MBNL1: variants seen among roughly 807,000 people sequenced by gnomAD.
The protein encoded by MBNL1 is muscleblind-like protein 1.
MBNL1 carries 8 observed loss-of-function variants against 42.2 expected under a neutral mutation model. That is an observed-to-expected ratio of 0.19 (90% CI 0.11 to 0.34). MBNL1 has a LOEUF of 0.34. MBNL1 is among the 10% of genes least tolerant of loss of function. The pLI, the probability that MBNL1 is intolerant of heterozygous loss-of-function variation, is 1.00. For missense variants in MBNL1, 309 were observed against 495.3 expected (o/e 0.62, Z 3.57); for synonymous variants, 169 against 173.9 (o/e 0.97, Z 0.22).
chr3:152,415,358 A>C (rs2098681540), intron 3 of MBNL1, among the ~76,000 whole-genome samples: 1 of 152,212 alleles, frequency 6.6e-6, no homozygotes. Flanking sequence ...ATTTTTCTTC[A>C]AAATAAATCC....
At chr3:152,433,460 GT>G (rs1398533946) in intron 4 of MBNL1, among the ~76,000 whole-genome samples, 4 of 152,122 alleles carry the variant, frequency 2.6e-5, no homozygotes, top group Admixed American at 6.5e-5. Context: ...TCTCATAAAA[GT>G]TTTTTGCGGC....
intron 2 of MBNL1, among the ~76,000 whole-genome samples, chr3:152,378,344 A>T (rs1024467979): frequency 5.9e-5 from 9 of 152,142 alleles, no homozygotes; most frequent in South Asian, 2.1e-4. Context: ...TATTTTTTTT[A>T]AAAATTAATG....
At chr3:152,433,578 A>G (rs575790568) in intron 4 of MBNL1, among the ~76,000 whole-genome samples, 18 of 151,898 alleles carry the variant, frequency 1.2e-4, no homozygotes, top group African/African-American at 3.1e-4. Context: ...GTGAAACCCC[A>G]TCTCTACTAA....
intron 1 of MBNL1, among the ~76,000 whole-genome samples, chr3:152,294,809 A>G (rs1042313871): frequency 2.0e-5 from 3 of 152,240 alleles, no homozygotes; most frequent in African/African-American, 7.2e-5. Flanking sequence ...TCTGTAGAAC[A>G]AAACCCCATT....
chr3:152,362,125 TAATC>T (rs568376144), intron 2 of MBNL1, among the ~76,000 whole-genome samples: 127 of 152,358 alleles, frequency 8.3e-4, no homozygotes, highest in Non-Finnish European at 1.6e-3. Context: ...GAGTAGGAAT[TAATC>T]AATGACAACA....
rs559357996 is a variant in MBNL1, at chr3:152,271,843, G to A, written c.-790+2751G>A. Among the ~76,000 whole-genome samples, 4 of 152,268 alleles carry A rather than the reference G, an allele frequency of 2.6e-5. No homozygotes were observed. The South Asian group carries it at 8.3e-4, about 32-fold the overall frequency. On this transcript the variant is annotated intron_variant, in intron 1 of 9. Transcript: ENST00000324210. Reference sequence around the variant, plus strand: ...GTGCTGTCCAGTACAGTAGCCACATGTGGCTGTTGAGCACTTGAAATGTGT... The same window carrying A: ...GTGCTGTCCAGTACAGTAGCCACATATGGCTGTTGAGCACTTGAAATGTGT...
At chr3:152,353,153 G>GAA (rs2095224797) in intron 2 of MBNL1, among the ~76,000 whole-genome samples, 1 of 152,154 alleles carries the variant, frequency 6.6e-6, no homozygotes, top group African/African-American at 2.4e-5. Context: ...CTCAGTCTCA[G>GAA]AAGCTTATCC....
At chr3:152,258,439 C>A (rs1301559860) in intron 2 of MBNL1, among the ~76,000 whole-genome samples, 1 of 152,166 alleles carries the variant, frequency 6.6e-6, no homozygotes. Flanking sequence ...TGGGAAATTA[C>A]ACTTAATCTT....
intron 1 of MBNL1, among the ~76,000 whole-genome samples, chr3:152,275,099 A>G (rs1199981082): frequency 6.6e-6 from 1 of 152,158 alleles, no homozygotes; most frequent in Non-Finnish European, 1.5e-5. Context: ...TTAGCATTTT[A>G]TTTGTTTCTG....
intron 3 of MBNL1, among the ~76,000 whole-genome samples, chr3:152,425,308 A>G (rs531362256): frequency 4.6e-5 from 7 of 152,248 alleles, no homozygotes; most frequent in Non-Finnish European, 8.8e-5. Context: ...AAAAAAGCTC[A>G]TCATCGGTGG....
At chr3:152,255,599 C>T (rs1464063508) in intron 2 of MBNL1, among the ~76,000 whole-genome samples, 5 of 151,982 alleles carry the variant, frequency 3.3e-5, no homozygotes, top group Non-Finnish European at 5.9e-5. Context: ...TAGTTACGGA[C>T]AAGATCAAGT....
rs1000242677 is a variant in MBNL1 at position 152,429,793 on chromosome 3, T to G, written c.346-2924T>G. 2.8e-5 allele frequency among the ~76,000 whole-genome samples: 4 copies of G among 142,126 alleles called. No individual in the cohort carries two copies. In the East Asian group the frequency reaches 7.8e-4, roughly 28 times the overall value. 93.2% of individuals were successfully genotyped at this position (142,126 alleles called of 152,430 possible). On this transcript the variant is annotated intron_variant, in intron 3 of 9. Coordinates refer to ENST00000324210, the MANE Select transcript of MBNL1 (RefSeq NM_021038.5). ...AATAAATGAAGGAATGGTGTGTGTT[T>G]GTGTGTGTGTGTGTGTGTGTCTGTC...
chr3:152,300,398 T>G, intron 2 of MBNL1, 31 bp downstream of exon 2: 1 of 1,573,212 alleles, frequency 6.4e-7, no homozygotes, highest in Non-Finnish European at 8.7e-7. Context: ...TTTAAGGATA[T>G]TCAATGATTG....
At chr3:152,373,290 C>T (rs964479855) in intron 2 of MBNL1, among the ~76,000 whole-genome samples, 4 of 149,706 alleles carry the variant, frequency 2.7e-5, no homozygotes, top group African/African-American at 9.9e-5. Context: ...GTTCCCTTTC[C>T]AGGAGAGTGA....
chr3:152,365,330 T>C (rs1410619562), intron 2 of MBNL1, among the ~76,000 whole-genome samples: 2 of 152,118 alleles, frequency 1.3e-5, no homozygotes, highest in African/African-American at 4.8e-5. Flanking sequence ...ACTATTCTCT[T>C]CAGGTTTCAG....
rs191622483 is a variant in MBNL1, at chr3:152,433,178, T to C, written c.549+258T>C. Among the ~76,000 whole-genome samples the C allele has an allele frequency of 1.3e-4, 20 of 152,330 alleles. No homozygotes were observed. The East Asian group carries it at 3.9e-3, about 29-fold the overall frequency. ...AAGTCACATTGCCTGGTTACATCAC[T>C]GTACCTCAATTTCCTCATCTTTAAA... On this transcript the variant is annotated intron_variant, in intron 4 of 9. Transcript: ENST00000324210.
Position 152,465,429 on chromosome 3 carries a change from C to T in MBNL1, c.*3063C>T, listed in dbSNP as rs1415160110. On this transcript the variant is annotated 3_prime_UTR_variant, in exon 10 of 10. Coordinates refer to ENST00000324210, the MANE Select transcript of MBNL1 (RefSeq NM_021038.5). ...TTCTTTCAGCAGGTGAAAAATAAAA[C>T]GCAGTTCAAATTTCATGGTTTTAAT... is the stretch of plus-strand genomic sequence containing the variant. 9.8e-5 allele frequency: 15 copies of T among 152,604 alleles called. No individual in the cohort carries two copies. In the East Asian group the frequency reaches 2.7e-3, roughly 27 times the overall value. The allele number at this position is 152,604 out of a possible 1,614,324, so 9.5% of individuals were successfully genotyped here. A position where few individuals can be genotyped will look rare whatever the true frequency, so the allele number is the denominator to read the frequency against.
At chr3:152,392,249 A>G (rs1376730793) in intron 2 of MBNL1, among the ~76,000 whole-genome samples, 1 of 152,202 alleles carries the variant, frequency 6.6e-6, no homozygotes, top group East Asian at 1.9e-4. Context: ...CTGCTTAGGT[A>G]ACATTACACA....
At chr3:152,421,560 G>T (rs2098805345) in intron 3 of MBNL1, among the ~76,000 whole-genome samples, 1 of 152,042 alleles carries the variant, frequency 6.6e-6, no homozygotes. Context: ...GTTTAAACTG[G>T]GTGCAGAAAA....
Sources: gnomAD v4.1 joint callset for allele counts (sites outside exome capture counted in the v4.1 genomes callset) on GRCh38, gnomAD v4.1.1 for gene constraint, MANE v1.5 for transcripts, NCBI Gene and HGNC (gene_info 2026-07-23, HGNC 2026-07-21) for gene names.